The following KCNQ3 variants were observed in gnomAD, a reference collection of about 807,000 sequenced individuals.
The protein encoded by KCNQ3 is potassium voltage-gated channel subfamily Q member 3, also known as potassium voltage-gated channel subfamily KQT member 3.
Under a neutral mutation model 92.5 loss-of-function variants are expected in KCNQ3, and 30 were observed. The ratio of observed to expected loss-of-function variants is 0.32; its 90% CI spans 0.24 to 0.44. The LOEUF (loss-of-function observed/expected upper bound fraction) is 0.44, where lower values mean the gene tolerates loss of function less well. Among genes scored for constraint, KCNQ3 ranks in the 20% least tolerant of loss-of-function variants. KCNQ3 has a pLI of 1.00. For synonymous variants in KCNQ3, 450 were observed against 468.8 expected (o/e 0.96, Z 0.52); for missense variants, 913 against 1,140.3 (o/e 0.80, Z 2.87).
intron 1 of KCNQ3, among the ~76,000 whole-genome samples, chr8:132,203,492 T>C (rs543453423): frequency 6.6e-6 from 1 of 152,306 alleles, no homozygotes; most frequent in East Asian, 1.9e-4. Context: ...AAATAATGGA[T>C]ATAAAATCTT....
chr8:132,268,550 C>T (rs911119964), intron 1 of KCNQ3, among the ~76,000 whole-genome samples: 3 of 152,178 alleles, frequency 2.0e-5, no homozygotes, highest in African/African-American at 4.8e-5. Flanking sequence ...TGAGCCACCG[C>T]GCCGGCCAGC....
At chr8:132,189,888 C>CAAAAAAA (rs776683880) in intron 1 of KCNQ3, among the ~76,000 whole-genome samples, 11 of 64,068 alleles carry the variant, frequency 1.7e-4, no homozygotes, top group African/African-American at 3.2e-4. Flanking sequence ...TAAAAATGAC[C>CAAAAAAA]AAAAAAAAAA....
At chr8:132,437,294 TAAAAAATAA>T (rs970692053) in intron 1 of KCNQ3, among the ~76,000 whole-genome samples, 5 of 147,530 alleles carry the variant, frequency 3.4e-5, no homozygotes, top group Non-Finnish European at 7.5e-5. Flanking sequence ...AAAATAAAAA[TAAAAAATAA>T]AAAAAATAAA....
intron 1 of KCNQ3, chr8:132,186,677 T>A (rs898125419): frequency 2.5e-5 from 7 of 285,618 alleles, no homozygotes; most frequent in African/African-American, 1.6e-4. Flanking sequence ...ATGAATATTG[T>A]CACCAAGTAT....
At chr8:132,471,964 T>C (rs1822307683) in intron 1 of KCNQ3, among the ~76,000 whole-genome samples, 1 of 152,124 alleles carries the variant, frequency 6.6e-6, no homozygotes, top group African/African-American at 2.4e-5. Context: ...TGAATAGATA[T>C]TTCTTAAAAG....
At chr8:132,444,651 C>T (rs576882853) in intron 1 of KCNQ3, among the ~76,000 whole-genome samples, 3 of 152,244 alleles carry the variant, frequency 2.0e-5, no homozygotes, top group Non-Finnish European at 2.9e-5. Flanking sequence ...CAGAATGCTA[C>T]GGGGAATGTG....
chr8:132,476,142 C>T (rs1305777725), intron 1 of KCNQ3, among the ~76,000 whole-genome samples: 1 of 152,204 alleles, frequency 6.6e-6, no homozygotes, highest in African/African-American at 2.4e-5. Flanking sequence ...GCTTTGGGAA[C>T]CTCCACCTAG....
chr8:132,403,691 C>T (rs1445867284), intron 1 of KCNQ3, among the ~76,000 whole-genome samples: 1 of 152,170 alleles, frequency 6.6e-6, no homozygotes, highest in Non-Finnish European at 1.5e-5. Context: ...AATCTCGGTT[C>T]AGTGTCATCT....
chr8:132,455,177 C>A (rs368475511), intron 1 of KCNQ3, among the ~76,000 whole-genome samples: 11 of 152,196 alleles, frequency 7.2e-5, no homozygotes, highest in African/African-American at 2.6e-4. Context: ...AATACAGTGG[C>A]GTGACTGCAA....
In KCNQ3 at chr8:132,126,488, C is replaced by A. The variant is rs1563758857; in HGVS notation, c.*2774G>T. 1 of 152,114 alleles carries A rather than the reference C, an allele frequency of 6.6e-6. No homozygotes were observed. The highest frequency in any genetic ancestry group is 2.4e-5 in the African/African-American group (1 of 41,406). The allele number at this position is 152,114 out of a possible 1,614,324, so 9.4% of individuals were successfully genotyped here. On this transcript the variant is annotated 3_prime_UTR_variant, in exon 15 of 15. Transcript: ENST00000388996. ...GGGGAACAAAAGGAGAATATCAAAG[C>A]AGAGTTATTCCAGAAGATCATTTTT...
intron 1 of KCNQ3, among the ~76,000 whole-genome samples, chr8:132,214,158 G>A (rs1237289505): frequency 2.0e-5 from 3 of 152,200 alleles, no homozygotes; most frequent in Non-Finnish European, 4.4e-5. Flanking sequence ...TGTAGGACAA[G>A]AAACTTTACC....
At chr8:132,430,061 G>C (rs1161370972) in intron 1 of KCNQ3, among the ~76,000 whole-genome samples, 2 of 152,154 alleles carry the variant, frequency 1.3e-5, no homozygotes, top group Non-Finnish European at 2.9e-5. Context: ...AGAGGCCTAG[G>C]GGTTGCCCTT....
chr8:132,412,953 A>G (rs1421199896), intron 1 of KCNQ3, among the ~76,000 whole-genome samples: 1 of 152,176 alleles, frequency 6.6e-6, no homozygotes, highest in African/African-American at 2.4e-5. Flanking sequence ...ACCTCCCAAC[A>G]CATCAGCTTT....
At chr8:132,198,756 G>A (rs762802867) in intron 1 of KCNQ3, among the ~76,000 whole-genome samples, 15 of 152,106 alleles carry the variant, frequency 9.9e-5, no homozygotes, top group Admixed American at 5.2e-4. Flanking sequence ...GCAGTGAGCC[G>A]AGATCATGCC....
chr8:132,162,579 C>G lies in KCNQ3; in HGVS notation c.1262+889G>C, dbSNP rs376188925. Reference sequence around the variant, plus strand: ...CACCATTACTGTCATTCACCTAACCCTCCTTTACGATCTCCTCAAAGGCCC... The same window carrying G: ...CACCATTACTGTCATTCACCTAACCGTCCTTTACGATCTCCTCAAAGGCCC... On this transcript the variant is annotated intron_variant, in intron 9 of 14. Coordinates refer to ENST00000388996, the MANE Select transcript of KCNQ3 (RefSeq NM_004519.4). Among the ~76,000 whole-genome samples, 220 of 152,296 alleles carry G rather than the reference C, an allele frequency of 1.4e-3. 1 individual carries two copies. The highest frequency in any genetic ancestry group is 4.9e-3 in the African/African-American group (203 of 41,568).
chr8:132,166,085 C>T (rs1032484180), intron 8 of KCNQ3, among the ~76,000 whole-genome samples: 9 of 152,138 alleles, frequency 5.9e-5, no homozygotes, highest in African/African-American at 9.7e-5. Flanking sequence ...ACATCGTGGG[C>T]GAAGTCTTCT....
At chr8:132,464,993 T>A (rs1421891394) in intron 1 of KCNQ3, among the ~76,000 whole-genome samples, 1 of 152,320 alleles carries the variant, frequency 6.6e-6, no homozygotes, top group East Asian at 1.9e-4. Context: ...TTCCAAGAAA[T>A]GTTTTCCCAG....
chr8:132,139,553 C>CT (rs776437312), intron 11 of KCNQ3, among the ~76,000 whole-genome samples: 6 of 152,186 alleles, frequency 3.9e-5, no homozygotes, highest in African/African-American at 1.2e-4. Flanking sequence ...TAATAGCATA[C>CT]TTTTTTTCAT....
chr8:132,192,935 C>T (rs1041171004), intron 1 of KCNQ3, among the ~76,000 whole-genome samples: 3 of 152,208 alleles, frequency 2.0e-5, no homozygotes, highest in African/African-American at 4.8e-5. Context: ...GTGTGAGCCA[C>T]AGTGCCCGGT....
Sources: allele counts gnomAD v4.1 joint callset (sites outside exome capture counted in the v4.1 genomes callset), GRCh38; gene constraint gnomAD v4.1.1; transcripts MANE v1.5; gene names NCBI Gene and HGNC (gene_info 2026-07-23, HGNC 2026-07-21).